Variants in LRBA observed in about 807,000 individuals in gnomAD.
LRBA encodes the protein LPS responsive beige-like anchor protein, also known as lipopolysaccharide-responsive and beige-like anchor protein.
LRBA carries 176 observed loss-of-function variants against 330.0 expected under a neutral mutation model. The observed-to-expected ratio is 0.53, with a 90% confidence interval of 0.47 to 0.60. The LOEUF (loss-of-function observed/expected upper bound fraction) is 0.60. Ranked by LOEUF, LRBA falls within the 20% of genes least tolerant of loss-of-function variation. LRBA has a pLI of 0.00. For synonymous variants in LRBA, 1,230 were observed against 1,193.0 expected (o/e 1.03, Z -0.64); for missense variants, 3,259 against 3,444.8 (o/e 0.95, Z 1.35).
chr4:150,774,812 G>T (rs1466830187), intron 34 of LRBA, among the ~76,000 whole-genome samples: 1 of 152,118 alleles, frequency 6.6e-6, no homozygotes, highest in Non-Finnish European at 1.5e-5. Flanking sequence ...CTCAACTTGG[G>T]AAATTGATTG....
intron 2 of LRBA, among the ~76,000 whole-genome samples, chr4:150,955,602 A>G (rs1157517959): frequency 6.7e-6 from 1 of 148,198 alleles, no homozygotes; most frequent in Non-Finnish European, 1.5e-5. Context: ...AATAATAATA[A>G]TGACGTAGGC....
At chr4:150,357,904 G>A (rs997660064) in intron 47 of LRBA, among the ~76,000 whole-genome samples, 5 of 152,098 alleles carry the variant, frequency 3.3e-5, no homozygotes, top group African/African-American at 1.2e-4. Flanking sequence ...GCTGAGCCAT[G>A]TATTTGCTGC....
At chr4:150,863,312 TC>T (rs1346888417) in intron 22 of LRBA, among the ~76,000 whole-genome samples, 2 of 152,256 alleles carry the variant, frequency 1.3e-5, no homozygotes, top group East Asian at 3.9e-4. Flanking sequence ...ATATCCTTAT[TC>T]TAAAAGCTTT....
At chr4:150,456,778 A>G (rs1195566802) in intron 44 of LRBA, among the ~76,000 whole-genome samples, 1 of 152,034 alleles carries the variant, frequency 6.6e-6, no homozygotes, top group Admixed American at 6.6e-5. Flanking sequence ...AGTTTCCCCA[A>G]TGTTTTCTTG....
chr4:150,418,770 G>A (rs1388886926), intron 46 of LRBA, among the ~76,000 whole-genome samples: 2 of 152,082 alleles, frequency 1.3e-5, no homozygotes, highest in Non-Finnish European at 2.9e-5. Flanking sequence ...ACATTTGCAG[G>A]GTCCAGAGCA....
intron 52 of LRBA, among the ~76,000 whole-genome samples, chr4:150,304,272 TATAAG>T (rs1036905142): frequency 1.8e-4 from 27 of 152,228 alleles, no homozygotes; most frequent in African/African-American, 5.5e-4. Context: ...AGATAATAAA[TATAAG>T]ATAATATTTA....
At chr4:150,766,398 GA>G (rs1404430582) in intron 34 of LRBA, among the ~76,000 whole-genome samples, 10 of 152,160 alleles carry the variant, frequency 6.6e-5, no homozygotes, top group East Asian at 1.9e-4. Context: ...AAGCCCATGA[GA>G]ATATTTTTTC....
chr4:151,008,988 A>AAAAAAAAAAAATATATAT (rs1554018903), intron 2 of LRBA, among the ~76,000 whole-genome samples: 1 of 5,524 alleles, frequency 1.8e-4, no homozygotes, highest in African/African-American at 4.7e-4. Context: ...AAAAAAAAAA[A>AAAAAAAAAAAATATATAT]ATATATATAT....
Position 150,849,031 on chromosome 4 carries a change from T to C in LRBA, c.4159-33A>G, listed in dbSNP as rs201920578. Reference sequence around the variant, plus strand: ...GAATAAAGTTTGACATTTATATATATATATTCTGAAAAAAAAATTTTACCA... The same window carrying C: ...GAATAAAGTTTGACATTTATATATACATATTCTGAAAAAAAAATTTTACCA... On this transcript the variant is annotated intron_variant, in intron 25 of 56. Transcript: ENST00000651943. 4.7e-5 allele frequency: 68 copies of C among 1,451,964 alleles called. 1 individual carries two copies. The African/African-American group carries it at 6.4e-4, about 14-fold the overall frequency. The allele number at this position is 1,451,964 out of a possible 1,614,324, so 89.9% of individuals were successfully genotyped here. A position where few individuals can be genotyped will look rare whatever the true frequency, so the allele number is the denominator to read the frequency against.
intron 2 of LRBA, among the ~76,000 whole-genome samples, chr4:150,953,517 C>G (rs1737106160): frequency 6.6e-6 from 1 of 152,062 alleles, no homozygotes; most frequent in African/African-American, 2.4e-5. Context: ...GTGCGCACCG[C>G]CACACCTGAC....
chr4:150,893,631 G>A (rs956341954), intron 16 of LRBA, among the ~76,000 whole-genome samples: 2 of 151,920 alleles, frequency 1.3e-5, no homozygotes, highest in Non-Finnish European at 2.9e-5. Flanking sequence ...ATTACAAGTT[G>A]AGCCACCGCA....
intron 13 of LRBA, among the ~76,000 whole-genome samples, chr4:150,903,415 T>C (rs1730974660): frequency 1.3e-5 from 2 of 151,788 alleles, no homozygotes; most frequent in African/African-American, 4.8e-5. Flanking sequence ...AGAAAGTCAG[T>C]CTATTGAGAA....
At chr4:150,974,406 C>A (rs952630441) in intron 2 of LRBA, among the ~76,000 whole-genome samples, 1 of 152,146 alleles carries the variant, frequency 6.6e-6, no homozygotes, top group Non-Finnish European at 1.5e-5. Flanking sequence ...AGAACACCAT[C>A]AAGAGAAGAA....
intron 2 of LRBA, among the ~76,000 whole-genome samples, chr4:150,931,137 T>C (rs1734449249): frequency 6.6e-6 from 1 of 152,168 alleles, no homozygotes; most frequent in South Asian, 2.1e-4. Flanking sequence ...ACTTTTTATT[T>C]TGAAATAATT....
intron 37 of LRBA, among the ~76,000 whole-genome samples, chr4:150,630,560 A>G (rs1777277928): frequency 6.6e-6 from 1 of 150,972 alleles, no homozygotes; most frequent in African/African-American, 2.4e-5. Flanking sequence ...GTTTATGTCT[A>G]CTTAAACAGG....
chr4:150,508,972 G>C (rs1449312952), intron 40 of LRBA, among the ~76,000 whole-genome samples: 3 of 152,108 alleles, frequency 2.0e-5, no homozygotes, highest in African/African-American at 7.2e-5. Context: ...ATCAGATAAA[G>C]TATATTCTCT....
chr4:150,803,099 C>CACACAT (rs1489728219), intron 33 of LRBA, among the ~76,000 whole-genome samples: 1 of 147,064 alleles, frequency 6.8e-6, no homozygotes, highest in East Asian at 2.0e-4. Flanking sequence ...CACACACACA[C>CACACAT]ACACACACAC....
At chr4:150,579,365 G>T in intron 40 of LRBA, 1 of 455,358 alleles carries the variant, frequency 2.2e-6, no homozygotes, top group Non-Finnish European at 4.4e-6. Flanking sequence ...AGTGAGTTGG[G>T]GTGGGGGAGG....
At chr4:150,802,266 T>C (rs1309925241) in intron 33 of LRBA, among the ~76,000 whole-genome samples, 1 of 143,394 alleles carries the variant, frequency 7.0e-6, no homozygotes, top group African/African-American at 2.5e-5. Context: ...GGTAAAGCAA[T>C]ACAACGACAG....
Sources: gnomAD v4.1 joint callset for allele counts (sites outside exome capture counted in the v4.1 genomes callset) on GRCh38, gnomAD v4.1.1 for gene constraint, MANE v1.5 for transcripts, NCBI Gene and HGNC (gene_info 2026-07-23, HGNC 2026-07-21) for gene names.